The following CDKL3 variants were observed in gnomAD, a reference collection of about 807,000 sequenced individuals.
CDKL3 encodes the protein cyclin-dependent kinase-like 3.
A neutral mutation model predicts 69.3 loss-of-function variants in CDKL3; 65 were observed. The observed-to-expected ratio is 0.94, with a 90% confidence interval of 0.77 to 1.15. The LOEUF (loss-of-function observed/expected upper bound fraction) is 1.15. Ranked by LOEUF, CDKL3 falls within the 50% of genes most tolerant of loss-of-function variation. The pLI, the probability that CDKL3 is intolerant of heterozygous loss-of-function variation, is 0.00. For synonymous variants in CDKL3, 202 were observed against 221.6 expected (o/e 0.91, Z 0.79); for missense variants, 652 against 689.2 (o/e 0.95, Z 0.61).
Position 134,336,195 on chromosome 5 carries a change from A to G in CDKL3, c.539+14054T>C, listed in dbSNP as rs192283624. Among the ~76,000 whole-genome samples the G allele has an allele frequency of 2.6e-5, 4 of 152,206 alleles. No homozygotes were observed. The East Asian group carries it at 7.7e-4, about 29-fold the overall frequency. ...CATCAGGTCATTTAAGCTCTTCTCT[A>G]TACTGGTTATTCTAGTTAGCCATTC... On this transcript the variant is annotated intron_variant, in intron 4 of 12. Coordinates refer to ENST00000265334, the MANE Select transcript of CDKL3 (RefSeq NM_001113575.2).
Position 134,324,619 on chromosome 5 carries a change from C to A in CDKL3, c.540-2716G>T, listed in dbSNP as rs561173222. Among the ~76,000 whole-genome samples, 5 of 152,156 alleles carry A rather than the reference C, an allele frequency of 3.3e-5. No individual in the cohort carries two copies. The East Asian group carries it at 5.8e-4, about 18-fold the overall frequency. On this transcript the variant is annotated intron_variant, in intron 4 of 12. Transcript: ENST00000265334. Reference sequence around the variant, plus strand: ...GAAAAAGCTACATACTATGTGATTCCAACTATATGATATTCTGGAAAAGCC... The same window carrying A: ...GAAAAAGCTACATACTATGTGATTCAAACTATATGATATTCTGGAAAAGCC...
At chr5:134,312,154 C>T (rs1769717398) in intron 7 of CDKL3, 138 bp downstream of exon 7, 2 of 634,426 alleles carry the variant, frequency 3.2e-6, no homozygotes, top group Non-Finnish European at 5.6e-6. Flanking sequence ...TAGTCAATAC[C>T]TGATACAATA....
At chr5:134,356,719 G>A (rs1438666714) in intron 3 of CDKL3, among the ~76,000 whole-genome samples, 9 of 152,084 alleles carry the variant, frequency 5.9e-5, no homozygotes, top group Non-Finnish European at 1.3e-4. Flanking sequence ...GGGAGGTGGA[G>A]GTTGCAGTGA....
In CDKL3 at chr5:134,308,152, A is replaced by C; in HGVS notation, c.1350T>G (p.Phe450Leu). The change falls in exon 9 of 13, where the codon TTT becomes TTG. Residue 450 changes from phenylalanine to leucine, a missense_variant. Phe to Leu is a conservative substitution (Grantham distance 22). Coordinates refer to ENST00000265334, the MANE Select transcript of CDKL3 (RefSeq NM_001113575.2). ...TTACAGCTCACCTCACACTGGGGTG[A>C]AAGAGATTTGAACTGAGATTTGCAG... ...LMAANLSSNL[F>L]HPSVRLTERA... 6.2e-7 allele frequency: 1 copy of C among 1,612,160 alleles called. No individual in the cohort carries two copies. Among genetic ancestry groups the C allele is most frequent in the Non-Finnish European group, 8.5e-7 (1 of 1,178,788 alleles).
At chr5:134,367,215 GA>G, upstream of CDKL3, 1 of 985,850 alleles carries the variant, frequency 1.0e-6, no homozygotes, top group Non-Finnish European at 1.2e-6. Context: ...TCCCGACCCG[GA>G]AGGGGAAGTG....
upstream of CDKL3, among the ~76,000 whole-genome samples, chr5:134,370,732 A>G (rs982638047): frequency 1.2e-4 from 19 of 152,346 alleles, no homozygotes; most frequent in South Asian, 3.7e-3. Context: ...GAACCATTTC[A>G]GGAGATTGTT....
chr5:134,290,708 T>C (rs531805027), intron 8 of CDKL3, among the ~76,000 whole-genome samples: 2 of 152,058 alleles, frequency 1.3e-5, no homozygotes, highest in Non-Finnish European at 2.9e-5. Context: ...TTTTTTTTTT[T>C]AATTTTTTTG....
Position 134,366,438 on chromosome 5 carries a change from A to G in CDKL3, c.86T>C (p.Ile29Thr). 1.2e-6 allele frequency: 2 copies of G among 1,606,478 alleles called. No homozygotes were observed. Among genetic ancestry groups the G allele is most frequent in the Non-Finnish European group, 1.7e-6 (2 of 1,176,352 alleles). ...MKCKHKNTGQ[I>T]VAIKIFYERP... Reference sequence around the variant, plus strand: ...CTCATAAAATATCTTAATGGCCACTATCTGCCCAGTATTCTTATGTTTACA... The same window carrying G: ...CTCATAAAATATCTTAATGGCCACTGTCTGCCCAGTATTCTTATGTTTACA... The change falls in exon 2 of 13, where the codon ATA (isoleucine) becomes ACA (threonine). Residue 29 changes from isoleucine (I) to threonine (T), a missense_variant. Transcript: ENST00000265334.
chr5:134,322,420 G>A (rs1269893897), intron 4 of CDKL3, among the ~76,000 whole-genome samples: 1 of 152,166 alleles, frequency 6.6e-6, no homozygotes, highest in Non-Finnish European at 1.5e-5. Context: ...TTCTGGGAGT[G>A]TAAACTTATA....
intron 8 of CDKL3, among the ~76,000 whole-genome samples, chr5:134,292,147 G>A (rs980478048): frequency 9.2e-5 from 14 of 152,136 alleles, no homozygotes; most frequent in African/African-American, 3.4e-4. Context: ...TTTATGGAAT[G>A]CTACACCCAT....
chr5:134,305,311 G>A (rs183706038), intron 10 of CDKL3, among the ~76,000 whole-genome samples: 214 of 152,094 alleles, frequency 1.4e-3, no homozygotes, highest in Middle Eastern at 0.01. Context: ...GACAGGGTCC[G>A]TTATGTCGCC....
intron 4 of CDKL3, among the ~76,000 whole-genome samples, chr5:134,341,302 T>C (rs1364042426): frequency 2.0e-5 from 3 of 152,214 alleles, no homozygotes; most frequent in Non-Finnish European, 2.9e-5. Flanking sequence ...TTGCCACTTC[T>C]GTTCAACATT....
chr5:134,370,587 T>G (rs559324066), upstream of CDKL3, among the ~76,000 whole-genome samples: 5 of 152,344 alleles, frequency 3.3e-5, no homozygotes, highest in Admixed American at 6.5e-5. Context: ...GTCCCCGGAC[T>G]CTGACACATA....
At chr5:134,368,377 G>A (rs1757916943), upstream of CDKL3, among the ~76,000 whole-genome samples, 1 of 152,144 alleles carries the variant, frequency 6.6e-6, no homozygotes, top group South Asian at 2.1e-4. Flanking sequence ...CCAGCACTTT[G>A]GGAGGCCCAG....
intron 5 of CDKL3, among the ~76,000 whole-genome samples, chr5:134,320,840 C>G (rs1772543573): frequency 6.7e-6 from 1 of 149,762 alleles, no homozygotes; most frequent in Admixed American, 6.7e-5. Flanking sequence ...CGCCCCTGCA[C>G]TCCAGCCTGG....
chr5:134,318,830 T>A (rs1359799819), intron 6 of CDKL3, among the ~76,000 whole-genome samples: 2 of 152,062 alleles, frequency 1.3e-5, no homozygotes, highest in East Asian at 3.8e-4. Flanking sequence ...AGAGATAAAT[T>A]AAATATAATG....
At chr5:134,321,358 T>A (rs1772739137) in intron 5 of CDKL3, among the ~76,000 whole-genome samples, 1 of 152,158 alleles carries the variant, frequency 6.6e-6, no homozygotes, top group African/African-American at 2.4e-5. Context: ...TCTGGCTGTC[T>A]ATTATTGTTT....
At chr5:134,303,407 C>T (rs569545991) in intron 11 of CDKL3, among the ~76,000 whole-genome samples, 8 of 152,206 alleles carry the variant, frequency 5.3e-5, no homozygotes, top group Non-Finnish European at 8.8e-5. Flanking sequence ...TCCTTGGATG[C>T]TCAAAATACA....
chr5:134,345,685 A>G (rs555519746), intron 4 of CDKL3, among the ~76,000 whole-genome samples: 19 of 152,072 alleles, frequency 1.2e-4, no homozygotes, highest in African/African-American at 3.9e-4. Context: ...TCAGTGGGGG[A>G]GCTTTTGAGC....
Sources: gnomAD v4.1 joint callset for allele counts (sites outside exome capture counted in the v4.1 genomes callset) on GRCh38, gnomAD v4.1.1 for gene constraint, MANE v1.5 for transcripts, NCBI Gene and HGNC (gene_info 2026-07-23, HGNC 2026-07-21) for gene names.